Variants in KCNK10 observed in about 807,000 individuals in gnomAD.
KCNK10 encodes potassium channel subfamily K member 10.
KCNK10 carries 25 observed loss-of-function variants against 47.7 expected under a neutral mutation model. That is an observed-to-expected ratio of 0.52 (90% CI 0.38 to 0.73). KCNK10 has a LOEUF of 0.73. Among genes scored for constraint, KCNK10 ranks in the 30% least tolerant of loss-of-function variants. The pLI, the probability that KCNK10 is intolerant of heterozygous loss-of-function variation, is 0.00. For missense variants in KCNK10, 563 were observed against 714.5 expected, an observed-to-expected ratio of 0.79 and a Z score of 2.42; for synonymous variants, 303 against 285.6, an observed-to-expected ratio of 1.06 and a Z score of -0.61.
At chr14:88,281,239 T>C (rs1475616316) in intron 1 of KCNK10, among the ~76,000 whole-genome samples, 2 of 152,224 alleles carry the variant, frequency 1.3e-5, no homozygotes, top group African/African-American at 4.8e-5. Context: ...TGGGTCTCAG[T>C]TTAAATGTTA....
intron 1 of KCNK10, among the ~76,000 whole-genome samples, chr14:88,303,202 A>G (rs975744702): frequency 6.6e-5 from 10 of 152,220 alleles, no homozygotes; most frequent in African/African-American, 2.2e-4. Flanking sequence ...TGAAGGTGTT[A>G]TGAAACACCC....
At chr14:88,293,778 C>T (rs541753965) in intron 1 of KCNK10, among the ~76,000 whole-genome samples, 4 of 151,976 alleles carry the variant, frequency 2.6e-5, no homozygotes, top group Admixed American at 1.3e-4. Context: ...TGGGCTGAAG[C>T]GATCCTCCTA....
At chr14:88,247,746 T>G (rs11626984) in intron 2 of KCNK10, among the ~76,000 whole-genome samples, 1,970 of 152,280 alleles carry the variant, frequency 0.013, 22 homozygotes, top group Middle Eastern at 0.054. Flanking sequence ...TCCCTTACAA[T>G]GGGGATTTCT....
chr14:88,275,134 G>A (rs1887499417), intron 1 of KCNK10, among the ~76,000 whole-genome samples: 1 of 152,086 alleles, frequency 6.6e-6, no homozygotes, highest in Non-Finnish European at 1.5e-5. Context: ...GTGTGACTCT[G>A]GGGTAGGGGC....
intron 2 of KCNK10, among the ~76,000 whole-genome samples, chr14:88,252,227 TGA>T (rs34470173): frequency 0.015 from 2,352 of 152,184 alleles, 56 homozygotes; most frequent in African/African-American, 0.054. Context: ...AGGACACTTC[TGA>T]GAGAGAAAGG....
At chr14:88,206,195 G>A (rs1167889025) in intron 4 of KCNK10, among the ~76,000 whole-genome samples, 1 of 152,148 alleles carries the variant, frequency 6.6e-6, no homozygotes, top group Non-Finnish European at 1.5e-5. Context: ...CCCCCTGGAA[G>A]CTCTGTTTAT....
At chr14:88,193,411 T>A (rs1349354425) in intron 4 of KCNK10, among the ~76,000 whole-genome samples, 2 of 152,170 alleles carry the variant, frequency 1.3e-5, no homozygotes, top group African/African-American at 2.4e-5. Flanking sequence ...GACACTGGAA[T>A]TGACTCTAAG....
intron 1 of KCNK10, among the ~76,000 whole-genome samples, chr14:88,292,142 T>C (rs2025078): frequency 0.46 from 69,334 of 151,940 alleles, 16,441 homozygotes; most frequent in East Asian, 0.84. Flanking sequence ...ACCAGCTAAG[T>C]AAAACACCCT....
intron 2 of KCNK10, among the ~76,000 whole-genome samples, chr14:88,244,346 A>G (rs1595101428): frequency 6.6e-6 from 1 of 152,166 alleles, no homozygotes; most frequent in East Asian, 1.9e-4. Context: ...CTCAAGTAAA[A>G]CATTTTAAAA....
At chr14:88,320,233 A>G (rs533673536) in intron 1 of KCNK10, among the ~76,000 whole-genome samples, 14 of 152,334 alleles carry the variant, frequency 9.2e-5, no homozygotes, top group African/African-American at 3.1e-4. Flanking sequence ...CTGGCATGCA[A>G]TGGTTGCTCA....
chr14:88,319,861 C>A (rs1435228939), intron 1 of KCNK10, among the ~76,000 whole-genome samples: 1 of 152,218 alleles, frequency 6.6e-6, no homozygotes, highest in Non-Finnish European at 1.5e-5. Flanking sequence ...GCAAGTTACT[C>A]AAACTCTCTG....
At chr14:88,275,506 T>C (rs1271287963) in intron 1 of KCNK10, among the ~76,000 whole-genome samples, 1 of 152,016 alleles carries the variant, frequency 6.6e-6, no homozygotes, top group Non-Finnish European at 1.5e-5. Flanking sequence ...TTGTGAGTTA[T>C]TTATTTAGGA....
chr14:88,325,019 C>T (rs1888631936), upstream of KCNK10, among the ~76,000 whole-genome samples: 1 of 152,128 alleles, frequency 6.6e-6, no homozygotes, highest in Admixed American at 6.6e-5. Context: ...TAGGCAGGTT[C>T]CCGGGTGCTT....
chr14:88,301,995 A>G (rs532963583), intron 1 of KCNK10, among the ~76,000 whole-genome samples: 68 of 152,334 alleles, frequency 4.5e-4, no homozygotes, highest in Non-Finnish European at 7.5e-4. Flanking sequence ...CTCTCCACAC[A>G]GGAAGATGCG....
rs1884537571 is a variant in KCNK10 at position 88,185,873 on chromosome 14, C to T, written c.1294G>A (p.Gly432Arg). 1 of 1,614,034 alleles carries T rather than the reference C, an allele frequency of 6.2e-7. No individual in the cohort carries two copies. The highest frequency in any genetic ancestry group is 8.5e-7 in the Non-Finnish European group (1 of 1,180,056). Residue 432 changes from glycine (G) to arginine (R), a missense_variant, in exon 7 of 7, where the codon GGG (glycine) becomes AGG (arginine). Physicochemically the swap from Gly to Arg is moderately radical, Grantham distance 125. Transcript: ENST00000319231. The surrounding 1 kb of genome is among the most constrained non-coding windows in gnomAD (Gnocchi z 4.3). Reference sequence around the variant, plus strand: ...CCATGCTTGTTCAGCTGCTCCGGCCCCTTCAGGCGCAGGTTGTTGGGCCGG... The same window carrying T: ...CCATGCTTGTTCAGCTGCTCCGGCCTCTTCAGGCGCAGGTTGTTGGGCCGG... ...NNRPNNLRLK[G>R]PEQLNKHGQG...
At chr14:88,200,537 C>T (rs1018528686) in intron 4 of KCNK10, among the ~76,000 whole-genome samples, 6 of 152,036 alleles carry the variant, frequency 3.9e-5, no homozygotes, top group Non-Finnish European at 8.8e-5. Flanking sequence ...AGACTAGGAA[C>T]GAGAAGTTAG....
chr14:88,325,676 C>T (rs28546240), upstream of KCNK10, among the ~76,000 whole-genome samples: 25,726 of 134,746 alleles, frequency 0.19, 2,757 homozygotes, highest in African/African-American at 0.33. Context: ...CGATATTTTC[C>T]AAGCCTCCAG....
intron 1 of KCNK10, among the ~76,000 whole-genome samples, chr14:88,300,698 C>A (rs899165081): frequency 6.6e-6 from 1 of 152,124 alleles, no homozygotes; most frequent in Non-Finnish European, 1.5e-5. Flanking sequence ...CATAAGAATG[C>A]ATCTTTAGGG....
Position 88,323,107 on chromosome 14 carries a change from G to A in KCNK10, c.-309C>T. Reference sequence around the variant, plus strand: ...GAGGAAGGCTTGGGGAGATGGAAGAGCCAAGCTGCTTCCCAAAAGCGGTGC... The same window carrying A: ...GAGGAAGGCTTGGGGAGATGGAAGAACCAAGCTGCTTCCCAAAAGCGGTGC... On this transcript the variant is annotated 5_prime_UTR_variant, in exon 1 of 7. Transcript: ENST00000319231. The A allele has an allele frequency of 1.2e-5, 14 of 1,199,594 alleles. No homozygotes were observed. The highest frequency in any genetic ancestry group is 1.4e-5 in the Non-Finnish European group (13 of 957,082). 74.3% of individuals were successfully genotyped at this position (1,199,594 alleles called of 1,614,324 possible). A position where few individuals can be genotyped will look rare whatever the true frequency, so the allele number is the denominator to read the frequency against.
Sources: allele counts gnomAD v4.1 joint callset (sites outside exome capture counted in the v4.1 genomes callset), GRCh38; gene constraint gnomAD v4.1.1; non-coding constraint Gnocchi (gnomAD v3.1); transcripts MANE v1.5; gene names NCBI Gene and HGNC (gene_info 2026-07-23, HGNC 2026-07-21).